The following THSD4 variants were observed in gnomAD, a reference collection of about 807,000 sequenced individuals.
THSD4 encodes the protein thrombospondin type-1 domain-containing protein 4.
Under a neutral mutation model 119.0 loss-of-function variants are expected in THSD4, and 69 were observed. That is an observed-to-expected ratio of 0.58 (90% CI 0.48 to 0.71). The LOEUF is 0.71. THSD4 is among the 30% of genes least tolerant of loss of function. The pLI is 0.00. For missense variants in THSD4, 1,393 were observed against 1,391.1 expected (o/e 1.00, Z -0.02); for synonymous variants, 524 against 540.4 (o/e 0.97, Z 0.42).
At chr15:71,304,191 T>C (rs1331428494) in intron 6 of THSD4, among the ~76,000 whole-genome samples, 1 of 152,096 alleles carries the variant, frequency 6.6e-6, no homozygotes, top group Non-Finnish European at 1.5e-5. Flanking sequence ...GGTCAGGAAC[T>C]CTCTCCACTG....
chr15:71,562,490 AG>A (rs1262732301), intron 7 of THSD4, among the ~76,000 whole-genome samples: 1 of 152,168 alleles, frequency 6.6e-6, no homozygotes, highest in Non-Finnish European at 1.5e-5. Context: ...CATTATTCAA[AG>A]TGGTTCGCAT....
intron 15 of THSD4, among the ~76,000 whole-genome samples, chr15:71,764,094 G>A (rs542049072): frequency 4.7e-5 from 7 of 150,298 alleles, no homozygotes; most frequent in African/African-American, 7.3e-5. Context: ...ATAAAAGAAC[G>A]AATGAACCAG....
chr15:71,509,646 A>G (rs2048248230), intron 7 of THSD4, among the ~76,000 whole-genome samples: 1 of 152,240 alleles, frequency 6.6e-6, no homozygotes, highest in Admixed American at 6.5e-5. Context: ...CAAATCCCAC[A>G]TATTTTATTG....
At chr15:71,742,805 A>G in intron 11 of THSD4, among the ~76,000 whole-genome samples, 1 of 152,300 alleles carries the variant, frequency 6.6e-6, no homozygotes. Context: ...CTGTAATCCC[A>G]GTACTTTGGG....
chr15:71,396,655 G>C, intron 6 of THSD4, among the ~76,000 whole-genome samples: 1 of 152,122 alleles, frequency 6.6e-6, no homozygotes, highest in East Asian at 1.9e-4. Context: ...ATGACCTCCC[G>C]CTTCTGCTGA....
intron 3 of THSD4, among the ~76,000 whole-genome samples, chr15:71,180,551 T>C (rs1286005931): frequency 6.6e-6 from 1 of 152,170 alleles, no homozygotes; most frequent in Non-Finnish European, 1.5e-5. Flanking sequence ...ATGCTTCAAA[T>C]ATGTAATTGA....
intron 7 of THSD4, among the ~76,000 whole-genome samples, chr15:71,494,208 G>T (rs1179833381): frequency 1.3e-5 from 2 of 152,148 alleles, no homozygotes; most frequent in Non-Finnish European, 2.9e-5. Flanking sequence ...CTTATTGTTT[G>T]TATTTGCAAA....
chr15:71,624,853 T>A (rs1028906750), intron 7 of THSD4, among the ~76,000 whole-genome samples: 1 of 152,240 alleles, frequency 6.6e-6, no homozygotes, highest in African/African-American at 2.4e-5. Flanking sequence ...CAATCCATTA[T>A]ACTGTCATTG....
chr15:71,174,130 G>A (rs536384940), intron 3 of THSD4, among the ~76,000 whole-genome samples: 6 of 152,222 alleles, frequency 3.9e-5, no homozygotes, highest in East Asian at 1.9e-4. Flanking sequence ...AGACACTATC[G>A]AGCAGAAATA....
At chr15:71,629,139 A>T (rs980317867) in intron 7 of THSD4, among the ~76,000 whole-genome samples, 5 of 152,146 alleles carry the variant, frequency 3.3e-5, no homozygotes, top group African/African-American at 1.2e-4. Context: ...GGGTTGGCTC[A>T]ATCTGAATAA....
intron 1 of THSD4, among the ~76,000 whole-genome samples, chr15:71,103,807 C>T (rs1361479559): frequency 3.3e-5 from 5 of 151,964 alleles, no homozygotes; most frequent in Non-Finnish European, 7.4e-5. Context: ...TCCCCTGCAC[C>T]CCACTCTCTC....
chr15:71,267,848 C>A (rs192840059), intron 6 of THSD4, among the ~76,000 whole-genome samples: 5 of 152,018 alleles, frequency 3.3e-5, no homozygotes, highest in Admixed American at 3.3e-4. Flanking sequence ...TAGCAAAAAT[C>A]AAAAAAGGCA....
intron 1 of THSD4, among the ~76,000 whole-genome samples, chr15:71,134,966 C>T (rs2040535742): frequency 6.9e-6 from 1 of 144,692 alleles, no homozygotes; most frequent in African/African-American, 2.6e-5. Context: ...TGGAACCAAC[C>T]CAAATGTCCA....
intron 7 of THSD4, among the ~76,000 whole-genome samples, chr15:71,655,193 T>C (rs1021920199): frequency 1.3e-5 from 2 of 152,190 alleles, no homozygotes; most frequent in African/African-American, 4.8e-5. Context: ...TGAACAGCAG[T>C]ACACGATGAG....
chr15:71,112,004 C>A (rs1397438666), upstream of THSD4: 2 of 1,133,260 alleles, frequency 1.8e-6, no homozygotes, highest in Non-Finnish European at 2.5e-6. Context: ...CATAAGTTTC[C>A]CCCCAAAGGG....
chr15:71,598,323 A>G lies in THSD4; in HGVS notation c.1153-62207A>G, dbSNP rs184287620. 1.8e-4 allele frequency among the ~76,000 whole-genome samples: 28 copies of G among 152,316 alleles called. 1 individual carries two copies. Among genetic ancestry groups the G allele is most frequent in the Admixed American group, 1.6e-3 (24 of 15,308 alleles). On this transcript the variant is annotated intron_variant, in intron 7 of 17. Coordinates refer to ENST00000261862, the MANE Select transcript of THSD4 (RefSeq NM_024817.3). ...CTAGTTTGACTAGAGTGGCGACATC[A>G]TGACATTTTAAAAGTCAAACGGGAC...
At chr15:71,486,384 T>G (rs138327971) in intron 7 of THSD4, among the ~76,000 whole-genome samples, 1 of 152,212 alleles carries the variant, frequency 6.6e-6, no homozygotes, top group Non-Finnish European at 1.5e-5. Context: ...GAATGATGAT[T>G]TTACCCCACA....
chr15:71,224,042 C>T (rs752695563), intron 4 of THSD4, among the ~76,000 whole-genome samples: 4 of 151,992 alleles, frequency 2.6e-5, no homozygotes, highest in East Asian at 1.9e-4. Flanking sequence ...GGGAAGACAA[C>T]GGAGAACTGG....
chr15:71,290,369 T>C (rs779963567), intron 6 of THSD4, among the ~76,000 whole-genome samples: 1 of 152,224 alleles, frequency 6.6e-6, no homozygotes, highest in Non-Finnish European at 1.5e-5. Flanking sequence ...GAGAGCACTT[T>C]TAAAATCCTT....
Sources: allele counts gnomAD v4.1 joint callset (sites outside exome capture counted in the v4.1 genomes callset), GRCh38; gene constraint gnomAD v4.1.1; transcripts MANE v1.5; gene names NCBI Gene and HGNC (gene_info 2026-07-23, HGNC 2026-07-21).